Variants in COL24A1 observed in about 807,000 individuals in gnomAD.
The protein encoded by COL24A1 is collagen type XXIV alpha 1 chain.
Under a neutral mutation model 253.9 loss-of-function variants are expected in COL24A1, and 224 were observed. The observed-to-expected ratio is 0.88, with a 90% confidence interval of 0.79 to 0.99. The LOEUF is 0.99. Ranked by LOEUF, COL24A1 falls within the 50% of genes least tolerant of loss-of-function variation. COL24A1 has a pLI of 0.00. For synonymous variants in COL24A1, 685 were observed against 673.7 expected (o/e 1.02, Z -0.26); for missense variants, 2,131 against 2,068.5 (o/e 1.03, Z -0.59).
intron 37 of COL24A1, among the ~76,000 whole-genome samples, chr1:85,854,990 G>C (rs1678263782): frequency 6.6e-6 from 1 of 152,036 alleles, no homozygotes; most frequent in Non-Finnish European, 1.5e-5. Flanking sequence ...TATTCTTTTT[G>C]TGGCTATTAT....
intron 24 of COL24A1, among the ~76,000 whole-genome samples, chr1:85,954,068 T>C (rs1690197502): frequency 6.6e-6 from 1 of 152,196 alleles, no homozygotes; most frequent in South Asian, 2.1e-4. Context: ...AAGTAATTTA[T>C]TGTTTTTACA....
intron 35 of COL24A1, among the ~76,000 whole-genome samples, chr1:85,871,494 C>T (rs915548380): frequency 6.6e-6 from 1 of 152,140 alleles, no homozygotes; most frequent in Non-Finnish European, 1.5e-5. Flanking sequence ...AAAGCTTATC[C>T]ACCATGATCA....
chr1:85,904,925 T>C (rs545895515), intron 28 of COL24A1, among the ~76,000 whole-genome samples: 2 of 152,254 alleles, frequency 1.3e-5, no homozygotes, highest in African/African-American at 4.8e-5. Context: ...AATCAGTAAA[T>C]GTTAGATAGC....
chr1:85,922,677 G>T (rs1333248455), intron 24 of COL24A1, among the ~76,000 whole-genome samples: 1 of 152,096 alleles, frequency 6.6e-6, no homozygotes, highest in African/African-American at 2.4e-5. Flanking sequence ...CACTAAACAT[G>T]GAAAGGAATA....
chr1:85,962,736 C>A (rs1305974374), intron 23 of COL24A1, among the ~76,000 whole-genome samples: 1 of 152,144 alleles, frequency 6.6e-6, no homozygotes, highest in African/African-American at 2.4e-5. Flanking sequence ...GAGCAATATA[C>A]ATTTAGTGTA....
intron 19 of COL24A1, among the ~76,000 whole-genome samples, chr1:86,004,337 A>T (rs1213300793): frequency 6.6e-6 from 1 of 152,130 alleles, no homozygotes; most frequent in Admixed American, 6.6e-5. Context: ...ATCCACAGAC[A>T]TGAAACCTCA....
intron 59 of COL24A1, among the ~76,000 whole-genome samples, chr1:85,732,425 T>C (rs1663598618): frequency 6.6e-6 from 1 of 151,860 alleles, no homozygotes; most frequent in Admixed American, 6.6e-5. Context: ...GAGACGGGGT[T>C]TCACCGTGTT....
intron 24 of COL24A1, among the ~76,000 whole-genome samples, chr1:85,914,396 T>C (rs981754999): frequency 4.5e-4 from 68 of 151,286 alleles, no homozygotes; most frequent in African/African-American, 1.6e-3. Flanking sequence ...CTTTTCTTTT[T>C]TTTTTTTTTC....
chr1:85,986,825 A>C (rs1245679993), intron 20 of COL24A1, among the ~76,000 whole-genome samples: 1 of 151,840 alleles, frequency 6.6e-6, no homozygotes, highest in Non-Finnish European at 1.5e-5. Flanking sequence ...CCTCCATAGC[A>C]GCTACATTTC....
rs1571968048 is a variant in COL24A1 at position 86,114,291 on chromosome 1, G to A, written c.1545+1034C>T. 3.3e-5 allele frequency among the ~76,000 whole-genome samples: 5 copies of A among 152,096 alleles called. No individual in the cohort carries two copies. In the South Asian group the frequency reaches 1.0e-3, roughly 32 times the overall value. On this transcript the variant is annotated intron_variant, in intron 4 of 59. Transcript: ENST00000370571. The stretch of plus-strand genomic sequence containing the variant: ...AAATGGAAGATAAAAAGTGAATTAG[G>A]GAAGATAAAAGTAAAAAAGTAAACT...
rs745714562 is a variant in COL24A1, at chr1:86,125,907, T to C, written c.429A>G (p.Val143=). The change falls in exon 3 of 60, where the codon GTA becomes GTG. Residue 143 remains valine, a synonymous_variant. Coordinates refer to ENST00000370571, the MANE Select transcript of COL24A1 (RefSeq NM_152890.7). The stretch of plus-strand genomic sequence containing the variant: ...CAGGCTGCTTTCCTCTAATGTGTAC[T>C]ACTAATTTTTTAGGTAGTAATTGTA... The part of the protein sequence containing the change: ...LGVQLLPKKL[V]VHIRGKQPAV... The C allele has an allele frequency of 1.2e-6, 2 of 1,613,192 alleles. No homozygotes were observed. Among genetic ancestry groups the C allele is most frequent in the Middle Eastern group, 1.6e-4 (1 of 6,078 alleles).
intron 47 of COL24A1, among the ~76,000 whole-genome samples, chr1:85,813,526 T>C (rs1465442950): frequency 2.8e-5 from 4 of 141,924 alleles, no homozygotes; most frequent in African/African-American, 7.7e-5. Context: ...AAAATCTCAT[T>C]CAGGTCTTTT....
chr1:86,144,608 C>T (rs550858612), intron 2 of COL24A1, among the ~76,000 whole-genome samples: 12 of 152,178 alleles, frequency 7.9e-5, no homozygotes, highest in Non-Finnish European at 1.5e-4. Context: ...ACAAAATATA[C>T]ATTTAATTAA....
intron 10 of COL24A1, among the ~76,000 whole-genome samples, chr1:86,053,892 T>G (rs562648737): frequency 6.6e-6 from 1 of 152,236 alleles, no homozygotes; most frequent in Non-Finnish European, 1.5e-5. Flanking sequence ...GGACACAAAT[T>G]AAGTGAAAAA....
intron 48 of COL24A1, among the ~76,000 whole-genome samples, chr1:85,785,291 C>T (rs1181944971): frequency 6.6e-6 from 1 of 152,132 alleles, no homozygotes; most frequent in Non-Finnish European, 1.5e-5. Flanking sequence ...AAAGTCAAGT[C>T]TTTTTTCATT....
At chr1:86,100,657 A>G (rs1704366293) in intron 5 of COL24A1, among the ~76,000 whole-genome samples, 1 of 152,112 alleles carries the variant, frequency 6.6e-6, no homozygotes, top group Non-Finnish European at 1.5e-5. Context: ...GGGTCTGGTC[A>G]CCAGAAAGAC....
At chr1:85,889,459 C>T in intron 32 of COL24A1, 101 bp downstream of exon 32, 2 of 990,584 alleles carry the variant, frequency 2.0e-6, no homozygotes, top group Non-Finnish European at 3.1e-6. Context: ...ATAAATGCTG[C>T]TTTCTAAAAC....
rs1399695321 is a variant in COL24A1 at position 86,009,190 on chromosome 1, C to T, written c.2310+7961G>A. On this transcript the variant is annotated intron_variant, in intron 19 of 59. Transcript: ENST00000370571. ...TGAAAAAAGCTCAGAGGACTTAAAACCTTTCCAGACATCTCAACACACCAT... is the reference window on the plus strand; with the variant it reads ...TGAAAAAAGCTCAGAGGACTTAAAATCTTTCCAGACATCTCAACACACCAT... Among the ~76,000 whole-genome samples the T allele has an allele frequency of 3.3e-5, 5 of 152,098 alleles. No homozygotes were observed. The East Asian group carries it at 7.7e-4, about 23-fold the overall frequency.
intron 32 of COL24A1, among the ~76,000 whole-genome samples, chr1:85,881,593 C>T (rs1478667455): frequency 6.6e-6 from 1 of 152,074 alleles, no homozygotes; most frequent in African/African-American, 2.4e-5. Context: ...CCACTGCATT[C>T]CAGCCTGGGT....
Sources: allele counts gnomAD v4.1 joint callset (sites outside exome capture counted in the v4.1 genomes callset), GRCh38; gene constraint gnomAD v4.1.1; transcripts MANE v1.5; gene names NCBI Gene and HGNC (gene_info 2026-07-23, HGNC 2026-07-21).